NFATC1: variants seen among roughly 807,000 people sequenced by gnomAD.
NFATC1 encodes the protein nuclear factor of activated T cells 1, also known as nuclear factor of activated T-cells, cytoplasmic 1.
In NFATC1, 22 loss-of-function variants were observed where a neutral mutation model predicts 76.0. The ratio of observed to expected loss-of-function variants is 0.29; its 90% CI spans 0.21 to 0.41. The LOEUF is 0.41. Among genes scored for constraint, NFATC1 ranks in the 10% least tolerant of loss-of-function variants. The pLI is 1.00. For synonymous variants in NFATC1, 704 were observed against 613.1 expected, an observed-to-expected ratio of 1.15 and a Z score of -2.19; for missense variants, 1,357 against 1,337.7, an observed-to-expected ratio of 1.01 and a Z score of -0.23.
intron 9 of NFATC1, among the ~76,000 whole-genome samples, chr18:79,491,260 C>T (rs892742967): frequency 5.3e-5 from 8 of 152,042 alleles, no homozygotes; most frequent in African/African-American, 1.9e-4. Context: ...AGTTCGGGGG[C>T]GGAGAAGAAT....
intron 2 of NFATC1, among the ~76,000 whole-genome samples, chr18:79,426,038 C>T (rs1226621070): frequency 6.6e-6 from 1 of 152,034 alleles, no homozygotes; most frequent in African/African-American, 2.4e-5. Flanking sequence ...ATGGAGAGAC[C>T]CCATCTCTAC....
In NFATC1 at chr18:79,451,830, C is replaced by A; in HGVS notation, c.1903+14C>A. 2 of 1,594,496 alleles carry A rather than the reference C, an allele frequency of 1.3e-6. No individual in the cohort carries two copies. The highest frequency in any genetic ancestry group is 2.3e-5 in the East Asian group (1 of 44,182). On this transcript the variant is annotated intron_variant, in intron 6 of 9. Transcript: ENST00000427363. Reference sequence around the variant, plus strand: ...AGAAAGCCCCAGGTATGCTCTTCACCAGGGGCCATCTGCGGCCTGGGCTTC... The same window carrying A: ...AGAAAGCCCCAGGTATGCTCTTCACAAGGGGCCATCTGCGGCCTGGGCTTC...
rs142042710 is a variant in NFATC1, at chr18:79,467,566, C to G, written c.2076C>G (p.Thr692=). 1.2e-6 allele frequency: 2 copies of G among 1,613,882 alleles called. No homozygotes were observed. The highest frequency in any genetic ancestry group is 1.7e-6 in the Non-Finnish European group (2 of 1,179,966). Residue 692 remains threonine, a synonymous_variant, in exon 8 of 10, where the codon ACC becomes ACG. Coordinates refer to ENST00000427363, the MANE Select transcript of NFATC1 (RefSeq NM_001278669.2). ...AGCGAAGCCAGTACCAGCGTTTCAC[C>G]TACCTTCCCGCCAACGGTAACGCCA... ...KRKRSQYQRF[T]YLPANVPIIK...
At chr18:79,478,612 G>A (rs572808907) in intron 8 of NFATC1, among the ~76,000 whole-genome samples, 108 of 152,322 alleles carry the variant, frequency 7.1e-4, no homozygotes, top group Non-Finnish European at 1.2e-3. Context: ...GGATTGTGCC[G>A]AATGCTCTTT....
chr18:79,463,370 A>C (rs892981778), intron 7 of NFATC1, among the ~76,000 whole-genome samples: 1 of 125,914 alleles, frequency 7.9e-6, no homozygotes, highest in Non-Finnish European at 1.7e-5. Flanking sequence ...GGGTGCTCAG[A>C]AGGGTCCTGG....
At chr18:79,462,205 T>C (rs1013477225) in intron 7 of NFATC1, among the ~76,000 whole-genome samples, 4 of 152,228 alleles carry the variant, frequency 2.6e-5, no homozygotes, top group African/African-American at 9.6e-5. Context: ...ATCCCTGCGC[T>C]TCTGATCCAT....
intron 3 of NFATC1, among the ~76,000 whole-genome samples, chr18:79,435,385 C>T (rs1253326976): frequency 2.0e-5 from 3 of 148,986 alleles, no homozygotes; most frequent in African/African-American, 7.4e-5. Context: ...GAGTCTCGCT[C>T]TCACCCGGGC....
chr18:79,506,332 G>A (rs1328112902), intron 9 of NFATC1, among the ~76,000 whole-genome samples: 1 of 152,130 alleles, frequency 6.6e-6, no homozygotes, highest in Non-Finnish European at 1.5e-5. Flanking sequence ...AGCTTCCCCA[G>A]CAAAGACACT....
At position 79,396,460 on chromosome 18, in the gene NFATC1, C is replaced by G. The variant is rs553430026; in HGVS notation, c.127+109C>G. ...GCACGGAGGGGTCCGGGCCAGAGAACGAGGTCGGCCGGGTCTGTGCGCCCA... is the reference window on the plus strand; with the variant it reads ...GCACGGAGGGGTCCGGGCCAGAGAAGGAGGTCGGCCGGGTCTGTGCGCCCA... On this transcript the variant is annotated intron_variant, in intron 1 of 9. Coordinates refer to ENST00000427363, the MANE Select transcript of NFATC1 (RefSeq NM_001278669.2). The G allele has an allele frequency of 2.2e-4, 133 of 615,898 alleles. 5 individuals carry two copies. In the South Asian group the frequency reaches 9.2e-3, roughly 43 times the overall value. 38.2% of individuals were successfully genotyped at this position (615,898 alleles called of 1,614,324 possible). A position where few individuals can be genotyped will look rare whatever the true frequency, so the allele number is the denominator to read the frequency against.
chr18:79,523,341 G>A (rs770296502), intron 9 of NFATC1, among the ~76,000 whole-genome samples: 12 of 152,230 alleles, frequency 7.9e-5, no homozygotes, highest in Non-Finnish European at 1.3e-4. Context: ...TCCCAGCATA[G>A]AGAAACAAAA....
intron 6 of NFATC1, among the ~76,000 whole-genome samples, chr18:79,455,466 G>A (rs530023276): frequency 1.3e-3 from 200 of 152,286 alleles, no homozygotes; most frequent in African/African-American, 4.5e-3. Context: ...TCTCACAGGC[G>A]GCCGGGGCTC....
intron 3 of NFATC1, among the ~76,000 whole-genome samples, chr18:79,443,637 C>T (rs1031642705): frequency 6.6e-6 from 1 of 152,252 alleles, no homozygotes; most frequent in Non-Finnish European, 1.5e-5. Flanking sequence ...CGTGGGGTCC[C>T]GTCTGCCCAG....
intron 2 of NFATC1, among the ~76,000 whole-genome samples, chr18:79,424,515 G>A (rs533946999): frequency 6.6e-6 from 1 of 151,278 alleles, no homozygotes; most frequent in African/African-American, 2.4e-5. Context: ...GTCTCTGTCT[G>A]TCTCTCCATC....
Position 79,410,838 on chromosome 18 carries a change from C to T in NFATC1, c.563C>T (p.Ser188Phe), listed in dbSNP as rs1187540236. Residue 188 changes from serine (S) to phenylalanine (F), a missense_variant, in exon 2 of 10, where the codon TCC (serine) becomes TTC (phenylalanine). Ser to Phe is a radical substitution (Grantham distance 155). This residue lies in a region of NFATC1 where 691 missense variants were observed against 613.1 expected (regional missense o/e 1.13). Transcript: ENST00000427363. The surrounding 1 kb of genome is among the most constrained non-coding windows in gnomAD (Gnocchi z 6.7). ...SSRSCNSEAS[S>F]YESNYSYPYA... ...CGGAGCTGCAACTCAGAGGCCTCCT[C>T]CTACGAGTCCAACTACTCGTACCCG... The T allele has an allele frequency of 6.2e-7, 1 of 1,611,220 alleles. No individual in the cohort carries two copies. Among genetic ancestry groups the T allele is most frequent in the African/African-American group, 1.3e-5 (1 of 74,904 alleles).
intron 8 of NFATC1, among the ~76,000 whole-genome samples, chr18:79,476,673 A>G (rs745704355): frequency 1.6e-4 from 24 of 152,148 alleles, no homozygotes; most frequent in Non-Finnish European, 3.2e-4. Context: ...AACCTGAGGG[A>G]AAGGGAATTC....
intron 9 of NFATC1, among the ~76,000 whole-genome samples, chr18:79,520,047 G>GA (rs1367949876): frequency 1.1e-4 from 16 of 152,352 alleles, no homozygotes; most frequent in Admixed American, 4.6e-4. Context: ...CACACCAGGA[G>GA]AGGGGGCGTT....
At chr18:79,499,143 C>T (rs535281513) in intron 9 of NFATC1, among the ~76,000 whole-genome samples, 21 of 152,268 alleles carry the variant, frequency 1.4e-4, no homozygotes, top group South Asian at 6.2e-4. Flanking sequence ...GCATAAGACA[C>T]GATTGCAAAC....
At chr18:79,475,063 G>A (rs1257427475) in intron 8 of NFATC1, among the ~76,000 whole-genome samples, 1 of 127,626 alleles carries the variant, frequency 7.8e-6, no homozygotes, top group Non-Finnish European at 1.6e-5. Flanking sequence ...TTGTAAACCT[G>A]AGGGAAGTGT....
intron 2 of NFATC1, among the ~76,000 whole-genome samples, chr18:79,427,392 TTGG>T (rs2086382726): frequency 1.3e-5 from 1 of 77,588 alleles, no homozygotes; most frequent in African/African-American, 8.7e-5. Context: ...GTGCAGTGGG[TTGG>T]GGGGAGCTGG....
Sources: allele counts gnomAD v4.1 joint callset (sites outside exome capture counted in the v4.1 genomes callset), GRCh38; gene constraint gnomAD v4.1.1; regional missense constraint gnomAD v4.1.1; non-coding constraint Gnocchi (gnomAD v3.1); transcripts MANE v1.5; gene names NCBI Gene and HGNC (gene_info 2026-07-23, HGNC 2026-07-21).